Variants in STXBP5L observed in about 807,000 individuals in gnomAD.
STXBP5L encodes syntaxin-binding protein 5-like.
STXBP5L carries 65 observed loss-of-function variants against 144.5 expected under a neutral mutation model. The ratio of observed to expected loss-of-function variants is 0.45; its 90% confidence interval spans 0.37 to 0.55. The LOEUF (loss-of-function observed/expected upper bound fraction) is 0.55. Among genes scored for constraint, STXBP5L ranks in the 20% least tolerant of loss-of-function variants. The pLI is 0.00. For synonymous variants in STXBP5L, 505 were observed against 469.6 expected (o/e 1.08, Z -0.97); for missense variants, 1,298 against 1,405.5 (o/e 0.92, Z 1.22).
At chr3:120,922,365 G>A (rs889348289) in intron 2 of STXBP5L, among the ~76,000 whole-genome samples, 1 of 151,912 alleles carries the variant, frequency 6.6e-6, no homozygotes, top group African/African-American at 2.4e-5. Context: ...CAGTTTTTTG[G>A]TGGAGTTTTT....
chr3:121,266,427 C>A (rs966472457), intron 18 of STXBP5L, among the ~76,000 whole-genome samples: 1 of 152,164 alleles, frequency 6.6e-6, no homozygotes, highest in East Asian at 1.9e-4. Context: ...ATTCAACAGC[C>A]CTTCAGGCTA....
chr3:121,101,672 C>T (rs573058352), intron 5 of STXBP5L, among the ~76,000 whole-genome samples: 69 of 152,072 alleles, frequency 4.5e-4, no homozygotes, highest in African/African-American at 1.6e-3. Flanking sequence ...AGAACTGGAA[C>T]GAGACAAGGA....
intron 2 of STXBP5L, among the ~76,000 whole-genome samples, chr3:120,936,931 G>A (rs1710295079): frequency 6.6e-6 from 1 of 152,080 alleles, no homozygotes; most frequent in Non-Finnish European, 1.5e-5. Flanking sequence ...ACATTCTGTA[G>A]GTCTATAATT....
chr3:121,227,509 G>A (rs2049158036), intron 11 of STXBP5L, among the ~76,000 whole-genome samples: 1 of 152,174 alleles, frequency 6.6e-6, no homozygotes, highest in South Asian at 2.1e-4. Flanking sequence ...TTGAGCCCAG[G>A]AGATGGAAGC....
At chr3:121,391,221 T>C (rs2046575620) in intron 22 of STXBP5L, among the ~76,000 whole-genome samples, 1 of 152,240 alleles carries the variant, frequency 6.6e-6, no homozygotes. Context: ...TCTTGTGCCA[T>C]GGTTTTAGCT....
At chr3:121,329,110 A>G (rs535137188) in intron 20 of STXBP5L, among the ~76,000 whole-genome samples, 107 of 152,190 alleles carry the variant, frequency 7.0e-4, no homozygotes, top group African/African-American at 2.4e-3. Context: ...TAATTCAACA[A>G]CTAAGAACAA....
At chr3:121,075,363 C>T (rs1187657085) in intron 5 of STXBP5L, among the ~76,000 whole-genome samples, 2 of 152,136 alleles carry the variant, frequency 1.3e-5, no homozygotes, top group African/African-American at 2.4e-5. Context: ...ATGACCACGT[C>T]CTCTCACAAA....
At chr3:121,083,413 A>G (rs112536161) in intron 5 of STXBP5L, among the ~76,000 whole-genome samples, 18,280 of 151,952 alleles carry the variant, frequency 0.12, 1,151 homozygotes, top group Non-Finnish European at 0.14. Flanking sequence ...TGTAATTCCA[A>G]TACTTTGGGA....
At chr3:121,227,087 T>G (rs2049145044) in intron 11 of STXBP5L, among the ~76,000 whole-genome samples, 1 of 152,120 alleles carries the variant, frequency 6.6e-6, no homozygotes, top group African/African-American at 2.4e-5. Context: ...ATAAGAATAT[T>G]CATTTATAGC....
chr3:121,353,438 C>G (rs1447034318), intron 20 of STXBP5L, among the ~76,000 whole-genome samples: 1 of 152,122 alleles, frequency 6.6e-6, no homozygotes, highest in African/African-American at 2.4e-5. Flanking sequence ...GGATTTTATC[C>G]ATTTCTTCTA....
chr3:121,193,855 G>A (rs1355444727), intron 9 of STXBP5L, among the ~76,000 whole-genome samples: 1 of 151,820 alleles, frequency 6.6e-6, no homozygotes, highest in Non-Finnish European at 1.5e-5. Flanking sequence ...GATAGCATTA[G>A]GAGAATACCT....
intron 20 of STXBP5L, among the ~76,000 whole-genome samples, chr3:121,349,027 C>T (rs922135238): frequency 6.6e-6 from 1 of 152,026 alleles, no homozygotes; most frequent in South Asian, 2.1e-4. Flanking sequence ...TCTTGCTTCT[C>T]TAGTTCTTTT....
intron 2 of STXBP5L, among the ~76,000 whole-genome samples, chr3:120,928,657 T>TGC (rs1389578461): frequency 1.3e-5 from 2 of 151,764 alleles, no homozygotes; most frequent in African/African-American, 2.4e-5. Context: ...TGTGTGTGTG[T>TGC]GTGTGTGTGT....
At chr3:121,179,534 A>G (rs1200361589) in intron 9 of STXBP5L, among the ~76,000 whole-genome samples, 2 of 152,176 alleles carry the variant, frequency 1.3e-5, no homozygotes, top group Admixed American at 6.6e-5. Context: ...AGGGTTCTCT[A>G]ATACCCCTAA....
intron 10 of STXBP5L, among the ~76,000 whole-genome samples, chr3:121,213,153 C>T (rs2048643972): frequency 6.6e-6 from 1 of 152,182 alleles, no homozygotes. Flanking sequence ...ATGTCATCTG[C>T]AAACAGAGAC....
intron 22 of STXBP5L, among the ~76,000 whole-genome samples, chr3:121,391,234 A>T (rs113704428): frequency 6.6e-6 from 1 of 152,146 alleles, no homozygotes; most frequent in Non-Finnish European, 1.5e-5. Flanking sequence ...TTTTAGCTCC[A>T]TCAGGTCATT....
chr3:121,413,491 C>T (rs1213638882), intron 24 of STXBP5L, among the ~76,000 whole-genome samples, 168 bp downstream of exon 24: 1 of 152,064 alleles, frequency 6.6e-6, no homozygotes, highest in East Asian at 1.9e-4. Context: ...TAGTATGGTT[C>T]TAGGTATTGC....
intron 19 of STXBP5L, among the ~76,000 whole-genome samples, chr3:121,297,734 A>G (rs2051717574): frequency 6.6e-6 from 1 of 152,248 alleles, no homozygotes; most frequent in Non-Finnish European, 1.5e-5. Flanking sequence ...AGCCTGCGCG[A>G]CAGAGTGAGA....
chr3:121,133,660 G>A (rs1464131421), intron 7 of STXBP5L, among the ~76,000 whole-genome samples: 1 of 152,188 alleles, frequency 6.6e-6, no homozygotes, highest in Admixed American at 6.5e-5. Flanking sequence ...CAAAAGGGAA[G>A]CAAGATAGCT....
Sources: allele counts gnomAD v4.1 joint callset (sites outside exome capture counted in the v4.1 genomes callset), GRCh38; gene constraint gnomAD v4.1.1; transcripts MANE v1.5; gene names NCBI Gene and HGNC (gene_info 2026-07-23, HGNC 2026-07-21).